GSN: variants seen among roughly 807,000 people sequenced by gnomAD.
GSN encodes the protein actin-depolymerizing factor.
GSN carries 56 observed loss-of-function variants against 85.7 expected under a neutral mutation model. The observed-to-expected ratio is 0.65, with a 90% CI of 0.53 to 0.82. The LOEUF (loss-of-function observed/expected upper bound fraction) is 0.82. Among genes scored for constraint, GSN ranks in the 40% least tolerant of loss-of-function variants. The pLI is 0.00. For missense variants in GSN, 857 were observed against 979.8 expected, an observed-to-expected ratio of 0.87 and a Z score of 1.67; for synonymous variants, 373 against 399.1, an observed-to-expected ratio of 0.93 and a Z score of 0.78.
Position 121,299,980 on chromosome 9 carries a change from C to T in GSN, c.-9-1983C>T, listed in dbSNP as rs764629393. The stretch of plus-strand genomic sequence containing the variant: ...CGGGGGGCGTCCCAGGCGGGGGCGC[C>T]CCAGGGGCGGGTGCCCGAGGCGCGG... On this transcript the variant is annotated intron_variant, in intron 2 of 17. Coordinates refer to ENST00000432226, the MANE Select transcript of GSN (RefSeq NM_198252.3). The surrounding 1 kb of genome is among the most constrained non-coding windows in gnomAD (Gnocchi z 4.2). The T allele has an allele frequency of 1.1e-4, 160 of 1,408,438 alleles. No individual in the cohort carries two copies. Among genetic ancestry groups the T allele is most frequent in the Non-Finnish European group, 1.5e-4 (156 of 1,073,676 alleles). 87.2% of individuals were successfully genotyped at this position (1,408,438 alleles called of 1,614,324 possible).
chr9:121,304,630 A>G (rs145812603), intron 4 of GSN, among the ~76,000 whole-genome samples: 435 of 152,340 alleles, frequency 2.9e-3, no homozygotes, highest in African/African-American at 9.4e-3. Context: ...CTGAGCCTCA[A>G]TAACAGCAGC....
chr9:121,316,066 C>T (rs1008524291), intron 7 of GSN, among the ~76,000 whole-genome samples: 2 of 152,240 alleles, frequency 1.3e-5, no homozygotes, highest in African/African-American at 4.8e-5. Context: ...TCACAGTCAA[C>T]TGTACTCTGG....
chr9:121,239,939 A>G (rs1380851614), intron 5 of GSN: 3 of 160,508 alleles, frequency 1.9e-5, no homozygotes, highest in African/African-American at 7.2e-5. Context: ...GACTCTTGAT[A>G]CTGTGATGTA....
At chr9:121,220,560 G>A (rs546127034) in intron 4 of GSN, among the ~76,000 whole-genome samples, 9 of 152,158 alleles carry the variant, frequency 5.9e-5, no homozygotes, top group South Asian at 4.2e-4. Context: ...GCAAGGTCCC[G>A]TCCAAAGCAT....
At chr9:121,282,470 C>A (rs145775883) in intron 2 of GSN, 2 of 1,267,548 alleles carry the variant, frequency 1.6e-6, no homozygotes, top group Non-Finnish European at 2.0e-6. Flanking sequence ...AGGACTTACG[C>A]GTCTGCTGTG....
At chr9:121,286,863 C>A in intron 2 of GSN, 1 of 955,082 alleles carries the variant, frequency 1.0e-6, no homozygotes. Flanking sequence ...CTGAACCTCT[C>A]TGAGCTTTTG....
chr9:121,292,576 A>G (rs939086542), intron 2 of GSN, among the ~76,000 whole-genome samples: 2 of 152,140 alleles, frequency 1.3e-5, no homozygotes, highest in East Asian at 3.9e-4. Context: ...CCTACCAGAC[A>G]CCCCACCAGG....
intron 2 of GSN, among the ~76,000 whole-genome samples, chr9:121,296,478 G>T (rs2059227891): frequency 6.6e-6 from 1 of 152,166 alleles, no homozygotes; most frequent in South Asian, 2.1e-4. Context: ...TCAGAGACTT[G>T]TAGGTCCTGG....
intron 4 of GSN, among the ~76,000 whole-genome samples, chr9:121,228,424 A>ATTTT (rs869071386): frequency 4.2e-5 from 2 of 48,120 alleles, no homozygotes; most frequent in Non-Finnish European, 7.2e-5. Context: ...ATATATATAT[A>ATTTT]TTTTTTTTTT....
chr9:121,216,763 A>G (rs2054071883), intron 4 of GSN, among the ~76,000 whole-genome samples: 1 of 152,238 alleles, frequency 6.6e-6, no homozygotes, highest in Non-Finnish European at 1.5e-5. Context: ...TACCTTGGTC[A>G]TTGTATTAGT....
chr9:121,226,050 C>G (rs2054267474), intron 4 of GSN, among the ~76,000 whole-genome samples: 4 of 152,202 alleles, frequency 2.6e-5, no homozygotes, highest in Admixed American at 2.0e-4. Context: ...TGATTCCCCC[C>G]ACCTCGGTCT....
intron 2 of GSN, among the ~76,000 whole-genome samples, chr9:121,287,153 G>T (rs1214053527): frequency 6.6e-6 from 1 of 152,142 alleles, no homozygotes; most frequent in Non-Finnish European, 1.5e-5. Context: ...ATCAGGGAAA[G>T]CTTTGTTTGG....
chr9:121,234,763 C>T (rs34653700), intron 5 of GSN, among the ~76,000 whole-genome samples: 4,126 of 152,268 alleles, frequency 0.027, 195 homozygotes, highest in African/African-American at 0.094. Context: ...GCTGGAAGAT[C>T]GCTTAAGCCC....
chr9:121,307,635 C>A (rs2060556144), intron 4 of GSN, among the ~76,000 whole-genome samples: 1 of 152,238 alleles, frequency 6.6e-6, no homozygotes, highest in Non-Finnish European at 1.5e-5. Context: ...ATAGTTCCTG[C>A]ATCAGGGGCT....
chr9:121,299,618 A>G lies in GSN; in HGVS notation c.-9-2345A>G, dbSNP rs2059568184. The G allele has an allele frequency of 4.0e-6, 2 of 497,874 alleles. No individual in the cohort carries two copies. Among genetic ancestry groups the G allele is most frequent in the South Asian group, 1.7e-4 (2 of 11,468 alleles). 30.8% of individuals were successfully genotyped at this position (497,874 alleles called of 1,614,324 possible). ...GCGCCCATTTAGTGTGCACACAGCT[A>G]GCGCCCGCCGTATGTCAGGCCTGGT... On this transcript the variant is annotated intron_variant, in intron 2 of 17. Coordinates refer to ENST00000432226, the MANE Select transcript of GSN (RefSeq NM_198252.3). The surrounding 1 kb of genome is among the most constrained non-coding windows in gnomAD (Gnocchi z 4.2).
At chr9:121,317,905 G>C (rs998347014) in intron 8 of GSN, 5 of 207,566 alleles carry the variant, frequency 2.4e-5, no homozygotes, top group African/African-American at 1.2e-4. Context: ...GGCCCCCTGG[G>C]CCCTGGGCCA....
At position 121,329,407 on chromosome 9, in the gene GSN, AG is replaced by A; in HGVS notation, c.1965+97del. The stretch of plus-strand genomic sequence containing the variant: ...ATGATCAGTTGCTAGAAGGACCTAA[AG>A]GGGGCAGTGCCAGGTGTTGCCAGAA... On this transcript the variant is annotated intron_variant, in intron 16 of 17. Coordinates refer to ENST00000432226, the MANE Select transcript of GSN (RefSeq NM_198252.3). The surrounding 1 kb of genome is among the most constrained non-coding windows in gnomAD (Gnocchi z 4.6). 1.2e-6 allele frequency: 1 copy of A among 831,098 alleles called. No individual in the cohort carries two copies. 51.5% of individuals were successfully genotyped at this position (831,098 alleles called of 1,614,324 possible). A position where few individuals can be genotyped will look rare whatever the true frequency, so the allele number is the denominator to read the frequency against.
intron 10 of GSN, among the ~76,000 whole-genome samples, chr9:121,321,032 G>A (rs562545539): frequency 2.0e-5 from 3 of 152,326 alleles, no homozygotes; most frequent in Non-Finnish European, 2.9e-5. Flanking sequence ...AAGGACAGAC[G>A]GGCTGGGGCA....
chr9:121,308,226 C>G (rs2060638994), intron 4 of GSN: 1 of 152,256 alleles, frequency 6.6e-6, no homozygotes, highest in Non-Finnish European at 1.5e-5. Flanking sequence ...CCTGCTAGTC[C>G]CAAGGGACTC....
Sources: gnomAD v4.1 joint callset for allele counts (sites outside exome capture counted in the v4.1 genomes callset) on GRCh38, gnomAD v4.1.1 for gene constraint, Gnocchi (gnomAD v3.1) non-coding constraint, MANE v1.5 for transcripts, NCBI Gene and HGNC (gene_info 2026-07-23, HGNC 2026-07-21) for gene names.